PITRM1: variants seen among roughly 807,000 people sequenced by gnomAD.
PITRM1 encodes the protein pitrilysin metallopeptidase 1, also known as presequence protease, mitochondrial.
In PITRM1, 100 loss-of-function variants were observed where a neutral mutation model predicts 129.9. That is an observed-to-expected ratio of 0.77 (90% CI 0.65 to 0.91). The LOEUF is 0.91. Among genes scored for constraint, PITRM1 ranks in the 40% least tolerant of loss-of-function variants. PITRM1 has a pLI of 0.00. For synonymous variants in PITRM1, 591 were observed against 508.8 expected (o/e 1.16, Z -2.17); for missense variants, 1,471 against 1,318.3 (o/e 1.12, Z -1.79).
At chr10:3,169,080 G>A (rs937945102) in intron 2 of PITRM1, among the ~76,000 whole-genome samples, 6 of 152,158 alleles carry the variant, frequency 3.9e-5, no homozygotes, top group East Asian at 1.9e-4. Context: ...CAGCCTGGGC[G>A]ACAGGGTGAG....
chr10:3,138,178 TAGAGTC>T, intron 26 of PITRM1, 51 bp downstream of exon 26: 7 of 1,572,552 alleles, frequency 4.5e-6, no homozygotes, highest in Non-Finnish European at 6.1e-6. Context: ...TGAGCGCTGT[TAGAGTC>T]AGCACGAGGG....
chr10:3,167,412 C>A (rs1419051462), intron 2 of PITRM1, among the ~76,000 whole-genome samples: 1 of 152,094 alleles, frequency 6.6e-6, no homozygotes, highest in Non-Finnish European at 1.5e-5. Flanking sequence ...CACATATAAT[C>A]CTGTGAGGGA....
At chr10:3,161,945 T>G (rs538873601) in intron 7 of PITRM1, among the ~76,000 whole-genome samples, 1 of 151,136 alleles carries the variant, frequency 6.6e-6, no homozygotes, top group Non-Finnish European at 1.5e-5. Context: ...GAGGTCAAGG[T>G]GGGCAGACTG....
intron 9 of PITRM1, 65 bp from the exon 10 acceptor site, chr10:3,159,107 T>C (rs1842224029): frequency 2.9e-6 from 4 of 1,390,352 alleles, no homozygotes; most frequent in East Asian, 2.4e-5. Context: ...CTGGCCCTTA[T>C]GCACATTTTA....
At chr10:3,139,236 T>G (rs1270213583) in intron 24 of PITRM1, among the ~76,000 whole-genome samples, 187 bp from the exon 25 acceptor site, 2 of 152,114 alleles carry the variant, frequency 1.3e-5, no homozygotes, top group African/African-American at 2.4e-5. Flanking sequence ...TCTGATCACA[T>G]AAGCCTTTCA....
chr10:3,147,277 A>G, intron 19 of PITRM1, 27 bp from the exon 20 acceptor site: 1 of 1,494,294 alleles, frequency 6.7e-7, no homozygotes, highest in Non-Finnish European at 9.3e-7. Context: ...TCGCTCAGAG[A>G]GAGGCAGAGG....
chr10:3,141,979 T>C (rs1475646550), intron 23 of PITRM1, among the ~76,000 whole-genome samples: 1 of 152,186 alleles, frequency 6.6e-6, no homozygotes, highest in Non-Finnish European at 1.5e-5. Context: ...CCACACATTA[T>C]CCTTCCTGAG....
chr10:3,168,251 G>A (rs999184781), intron 2 of PITRM1, among the ~76,000 whole-genome samples: 3 of 152,104 alleles, frequency 2.0e-5, no homozygotes, highest in African/African-American at 7.2e-5. Flanking sequence ...ATCATCTACC[G>A]CCGCGAAATT....
chr10:3,159,402 C>A (rs901488727), intron 9 of PITRM1, among the ~76,000 whole-genome samples: 1 of 152,220 alleles, frequency 6.6e-6, no homozygotes, highest in African/African-American at 2.4e-5. Flanking sequence ...GGGCCCAGAG[C>A]CCAAGCCTTC....
At chr10:3,161,415 C>G (rs1842432248) in intron 7 of PITRM1, among the ~76,000 whole-genome samples, 1 of 152,164 alleles carries the variant, frequency 6.6e-6, no homozygotes, top group South Asian at 2.1e-4. Context: ...TTATCTTTTT[C>G]TTTACTATAT....
intron 13 of PITRM1, among the ~76,000 whole-genome samples, chr10:3,156,106 G>A (rs767481342): frequency 1.3e-5 from 2 of 152,144 alleles, no homozygotes; most frequent in African/African-American, 2.4e-5. Context: ...AGATAATATA[G>A]AATTCTATTT....
chr10:3,138,363 G>A (rs1425166848), intron 25 of PITRM1, 26 bp from the exon 26 acceptor site: 5 of 1,533,604 alleles, frequency 3.3e-6, no homozygotes, highest in East Asian at 2.2e-5. Flanking sequence ...CAGGCACGAT[G>A]GAGCCGCTGC....
chr10:3,172,285 G>T (rs971284881), intron 1 of PITRM1: 5 of 476,148 alleles, frequency 1.1e-5, no homozygotes, highest in Non-Finnish European at 2.1e-5. Context: ...GTTCAATTCC[G>T]GGAGGCGTCA....
intron 6 of PITRM1, among the ~76,000 whole-genome samples, chr10:3,164,973 T>C (rs183312062): frequency 5.7e-4 from 87 of 152,314 alleles, no homozygotes; most frequent in Admixed American, 3.3e-3. Context: ...ACTGTCTTGG[T>C]AGTGGTATGA....
chr10:3,172,764 G>C lies in PITRM1; in HGVS notation c.9C>G (p.Arg3=), dbSNP rs1416380873. The C allele has an allele frequency of 6.5e-7, 1 of 1,546,464 alleles. No homozygotes were observed. The highest frequency in any genetic ancestry group is 2.0e-5 in the Admixed American group (1 of 50,812). The change falls in exon 1 of 27, where the codon CGC becomes CGG. Residue 3 remains arginine, a synonymous_variant. Coordinates refer to ENST00000224949, the MANE Select transcript of PITRM1 (RefSeq NM_014889.4). MW[R]CGGRQGLCVL... is the part of the protein sequence containing the mutation. ...CACACAGGCCCTGCCGCCCGCCGCA[G>C]CGCCACATTGCGCATGACGAGCACC...
At chr10:3,155,533 A>T in intron 14 of PITRM1, 58 bp downstream of exon 14, 1 of 1,599,436 alleles carries the variant, frequency 6.3e-7, no homozygotes, top group Non-Finnish European at 8.5e-7. Flanking sequence ...CTCACTAACA[A>T]GTCCACTAGG....
Position 3,137,882 on chromosome 10 carries a change from A to C in PITRM1, c.*149T>G, listed in dbSNP as rs112165471. On this transcript the variant is annotated 3_prime_UTR_variant, in exon 27 of 27. Coordinates refer to ENST00000224949, the MANE Select transcript of PITRM1 (RefSeq NM_014889.4). The stretch of plus-strand genomic sequence containing the variant: ...ACCTCTTCCTGGTCACTCTTAAGAT[A>C]GATCTGAGTTTTTGACTCGCCAGTC... 3 of 605,986 alleles carry C rather than the reference A, an allele frequency of 5.0e-6. No individual in the cohort carries two copies. Among genetic ancestry groups the C allele is most frequent in the African/African-American group, 1.9e-5 (1 of 52,652 alleles). 37.5% of individuals were successfully genotyped at this position (605,986 alleles called of 1,614,324 possible). A position where few individuals can be genotyped will look rare whatever the true frequency, so the allele number is the denominator to read the frequency against.
chr10:3,171,279 C>T (rs184364100), intron 1 of PITRM1, among the ~76,000 whole-genome samples: 297 of 135,144 alleles, frequency 2.2e-3, no homozygotes, highest in Non-Finnish European at 2.6e-3. Context: ...TTATCCTAAA[C>T]AGGTATTATT....
chr10:3,164,025 A>T, intron 6 of PITRM1, 140 bp from the exon 7 acceptor site: 5 of 281,458 alleles, frequency 1.8e-5, no homozygotes, highest in Non-Finnish European at 1.9e-5. Flanking sequence ...TAATGGTTTA[A>T]AAAAAAAAAA....
Sources: allele counts gnomAD v4.1 joint callset (sites outside exome capture counted in the v4.1 genomes callset), GRCh38; gene constraint gnomAD v4.1.1; transcripts MANE v1.5; gene names NCBI Gene and HGNC (gene_info 2026-07-23, HGNC 2026-07-21).